The following FARS2 variants were observed in gnomAD, a reference collection of about 807,000 sequenced individuals.
FARS2 encodes phenylalanyl-tRNA synthetase 2, mitochondrial, also known as phenylalanine--tRNA ligase, mitochondrial.
A neutral mutation model predicts 46.4 loss-of-function variants in FARS2; 40 were observed. The observed-to-expected ratio is 0.86, with a 90% CI of 0.67 to 1.12. The LOEUF (loss-of-function observed/expected upper bound fraction) is 1.12, where lower values mean the gene tolerates loss of function less well. Among genes scored for constraint, FARS2 ranks in the 50% most tolerant of loss-of-function variants. The probability of loss-of-function intolerance (pLI) is 0.00; values close to 1 mark genes in which losing one functional copy is unlikely to be tolerated. For missense variants in FARS2, 513 were observed against 567.9 expected (o/e 0.90, Z 0.98); for synonymous variants, 234 against 214.9 (o/e 1.09, Z -0.78).
chr6:5,341,202 TATATATATATATATATATATATATA>T lies in FARS2; in HGVS notation c.-21-27347_-21-27323del, dbSNP rs1339865097. 4.7e-3 allele frequency among the ~76,000 whole-genome samples: 26 copies of T among 5,500 alleles called. No individual in the cohort carries two copies. In the East Asian group the frequency reaches 0.12, roughly 24 times the overall value. 3.6% of individuals were successfully genotyped at this position (5,500 alleles called of 152,430 possible). A position where few individuals can be genotyped will look rare whatever the true frequency, so the allele number is the denominator to read the frequency against. ...GGCCATGGGGAGATATATATATATATATATATATATATATATATATATATATATATATATTTTTTTTTTTTTTTTT... is the reference window on the plus strand; with the variant it reads ...GGCCATGGGGAGATATATATATATATTATATATATTTTTTTTTTTTTTTTT... On this transcript the variant is annotated intron_variant, in intron 1 of 6. Transcript: ENST00000274680.
At chr6:5,270,849 G>A (rs1765895601) in intron 1 of FARS2, among the ~76,000 whole-genome samples, 1 of 152,186 alleles carries the variant, frequency 6.6e-6, no homozygotes, top group South Asian at 2.1e-4. Flanking sequence ...CTACCCTGGG[G>A]ACCTTTGCAA....
intron 6 of FARS2, among the ~76,000 whole-genome samples, chr6:5,650,155 C>T (rs1399942886): frequency 6.6e-6 from 1 of 151,732 alleles, no homozygotes; most frequent in Non-Finnish European, 1.5e-5. Flanking sequence ...AGGAGGGGGA[C>T]ATGGAATGTG....
At position 5,676,972 on chromosome 6, in the gene FARS2, G is replaced by A. The variant is rs1778801080; in HGVS notation, c.1217+63652G>A. On this transcript the variant is annotated intron_variant, in intron 6 of 6. Coordinates refer to ENST00000274680, the MANE Select transcript of FARS2 (RefSeq NM_006567.5). ...ATAGTCATTCCTGGAACAACCAGGA[G>A]ATGGTTATTATCATTGGAAACAATT... Among the ~76,000 whole-genome samples, 3 of 152,212 alleles carry A rather than the reference G, an allele frequency of 2.0e-5. No individual in the cohort carries two copies. The South Asian group carries it at 6.2e-4, about 31-fold the overall frequency.
At chr6:5,504,767 A>C (rs1217353217) in intron 4 of FARS2, among the ~76,000 whole-genome samples, 1 of 152,240 alleles carries the variant, frequency 6.6e-6, no homozygotes, top group African/African-American at 2.4e-5. Flanking sequence ...GTTTATAATT[A>C]ACATAAAGAA....
chr6:5,738,774 G>GA (rs5873993), intron 6 of FARS2, among the ~76,000 whole-genome samples: 95,413 of 148,638 alleles, frequency 0.64, 31,044 homozygotes, highest in African/African-American at 0.81. Flanking sequence ...CATACATTTA[G>GA]AAAAAAAAAA....
At chr6:5,435,389 G>A (rs980706866) in intron 4 of FARS2, among the ~76,000 whole-genome samples, 3 of 152,230 alleles carry the variant, frequency 2.0e-5, no homozygotes, top group African/African-American at 7.2e-5. Flanking sequence ...TGAAAAGTCA[G>A]TGAAGACATT....
intron 6 of FARS2, among the ~76,000 whole-genome samples, chr6:5,734,312 C>G (rs1228639695): frequency 6.6e-6 from 1 of 152,208 alleles, no homozygotes; most frequent in Non-Finnish European, 1.5e-5. Context: ...GAAAGAAAGC[C>G]ACAGCCAGCT....
chr6:5,308,218 T>G (rs529899911), intron 1 of FARS2, among the ~76,000 whole-genome samples: 111 of 152,212 alleles, frequency 7.3e-4, no homozygotes, highest in Middle Eastern at 6.8e-3. Context: ...CCAGGGTGCC[T>G]GGATGTTTAC....
chr6:5,563,875 G>T (rs1361679239), intron 5 of FARS2, among the ~76,000 whole-genome samples: 1 of 152,244 alleles, frequency 6.6e-6, no homozygotes, highest in South Asian at 2.1e-4. Context: ...AGCCCCTCAG[G>T]GCTGAGGCCG....
At chr6:5,626,392 G>A (rs1425608128) in intron 6 of FARS2, among the ~76,000 whole-genome samples, 1 of 152,178 alleles carries the variant, frequency 6.6e-6, no homozygotes, top group Non-Finnish European at 1.5e-5. Flanking sequence ...GGTGTCCACA[G>A]CAAGCTAACT....
intron 4 of FARS2, among the ~76,000 whole-genome samples, chr6:5,462,034 G>A (rs916482920): frequency 3.3e-5 from 5 of 152,178 alleles, no homozygotes; most frequent in African/African-American, 9.6e-5. Context: ...AGCAATACAT[G>A]AGGGTTCTAG....
intron 6 of FARS2, among the ~76,000 whole-genome samples, chr6:5,734,354 A>G (rs1274861173): frequency 6.6e-6 from 1 of 152,238 alleles, no homozygotes; most frequent in Non-Finnish European, 1.5e-5. Context: ...GGTCTTCTTT[A>G]GGACTTCAAG....
chr6:5,499,706 G>T (rs1353131223), intron 4 of FARS2, among the ~76,000 whole-genome samples: 1 of 152,140 alleles, frequency 6.6e-6, no homozygotes, highest in Admixed American at 6.5e-5. Flanking sequence ...TGCTTCCTTT[G>T]GCTTGGTGAT....
intron 4 of FARS2, among the ~76,000 whole-genome samples, chr6:5,534,530 G>C (rs932842651): frequency 6.6e-6 from 1 of 151,712 alleles, no homozygotes; most frequent in Non-Finnish European, 1.5e-5. Context: ...TTTTTGCCTG[G>C]CTTCTTTCAC....
chr6:5,684,232 C>G (rs567258890), intron 6 of FARS2, among the ~76,000 whole-genome samples: 22 of 152,272 alleles, frequency 1.4e-4, no homozygotes, highest in African/African-American at 5.1e-4. Context: ...CCTGGGTCCT[C>G]AGAGGACCAT....
At chr6:5,628,571 CTCTGTAA>C (rs1407708466) in intron 6 of FARS2, among the ~76,000 whole-genome samples, 2 of 152,252 alleles carry the variant, frequency 1.3e-5, no homozygotes, top group African/African-American at 4.8e-5. Context: ...GAGGCCTCTT[CTCTGTAA>C]TGTTTGGACA....
chr6:5,355,503 C>T (rs991335890), intron 1 of FARS2, among the ~76,000 whole-genome samples: 3 of 151,524 alleles, frequency 2.0e-5, no homozygotes, highest in East Asian at 1.9e-4. Context: ...ACTACAGGTG[C>T]GTGCCACCAT....
chr6:5,637,077 A>G (rs1348536317), intron 6 of FARS2, among the ~76,000 whole-genome samples: 1 of 152,204 alleles, frequency 6.6e-6, no homozygotes, highest in Non-Finnish European at 1.5e-5. Flanking sequence ...ATAGGAAGAA[A>G]CCAGGATCCA....
chr6:5,302,329 G>T (rs1056673831), intron 1 of FARS2, among the ~76,000 whole-genome samples: 6 of 152,114 alleles, frequency 3.9e-5, no homozygotes, highest in Admixed American at 2.0e-4. Context: ...TGCCCATGTC[G>T]GTCTGTGCAC....
Sources: gnomAD v4.1 joint callset for allele counts (sites outside exome capture counted in the v4.1 genomes callset) on GRCh38, gnomAD v4.1.1 for gene constraint, MANE v1.5 for transcripts, NCBI Gene and HGNC (gene_info 2026-07-23, HGNC 2026-07-21) for gene names.